Variants in THSD4 observed in about 807,000 individuals in gnomAD.
The protein encoded by THSD4 is thrombospondin type 1 domain containing 4.
In THSD4, 69 loss-of-function variants were observed where a neutral mutation model predicts 119.0. That is an observed-to-expected ratio of 0.58 (90% confidence interval 0.48 to 0.71). THSD4 has a LOEUF of 0.71. Among genes scored for constraint, THSD4 ranks in the 30% least tolerant of loss-of-function variants. The probability of loss-of-function intolerance (pLI) is 0.00; values close to 1 mark genes in which losing one functional copy is unlikely to be tolerated. For missense variants in THSD4, 1,393 were observed against 1,391.1 expected, an observed-to-expected ratio of 1.00 and a Z score of -0.02; for synonymous variants, 524 against 540.4, an observed-to-expected ratio of 0.97 and a Z score of 0.42.
Position 71,765,028 on chromosome 15 carries a change from C to G in THSD4, c.2598C>G (p.Ile866Met). 6.2e-7 allele frequency: 1 copy of G among 1,613,530 alleles called. No individual in the cohort carries two copies. Among genetic ancestry groups the G allele is most frequent in the South Asian group, 1.1e-5 (1 of 90,944 alleles). ...TCTGCTTCTTTCTGCAGTGTTCCAT[C>G]GAGTGTGGGAGCGGGACGCAACAGA... ...WFAGSWSQCS[I>M]ECGSGTQQRE... The change falls in exon 16 of 18, where the codon ATC becomes ATG. Residue 866 changes from isoleucine (I) to methionine (M), a missense_variant. By Grantham distance (10) the Ile-to-Met change is conservative. Coordinates refer to ENST00000261862, the MANE Select transcript of THSD4 (RefSeq NM_024817.3).
chr15:71,408,960 T>A lies in THSD4; in HGVS notation c.1016-2727T>A, dbSNP rs185261455. Reference sequence around the variant, plus strand: ...TAGGGTGTTCTCTAAGGCAACAGGATGCCAGGTAGTTTTGTTAAGAAGTCC... The same window carrying A: ...TAGGGTGTTCTCTAAGGCAACAGGAAGCCAGGTAGTTTTGTTAAGAAGTCC... On this transcript the variant is annotated intron_variant, in intron 6 of 17. Coordinates refer to ENST00000261862, the MANE Select transcript of THSD4 (RefSeq NM_024817.3). 1.3e-4 allele frequency among the ~76,000 whole-genome samples: 20 copies of A among 152,270 alleles called. No individual in the cohort carries two copies. In the East Asian group the frequency reaches 1.9e-3, roughly 15 times the overall value.
At chr15:71,432,949 A>G (rs1375804384) in intron 7 of THSD4, among the ~76,000 whole-genome samples, 1 of 151,856 alleles carries the variant, frequency 6.6e-6, no homozygotes. Context: ...ATACAGAATT[A>G]TTTCCTTTAT....
chr15:71,534,850 T>A (rs768648455), intron 7 of THSD4, among the ~76,000 whole-genome samples: 3 of 151,944 alleles, frequency 2.0e-5, no homozygotes, highest in Non-Finnish European at 4.4e-5. Context: ...TGGTGGTGGG[T>A]GTGTGTGTTT....
At position 71,659,369 on chromosome 15, in the gene THSD4, T is replaced by G. The variant is rs778726979; in HGVS notation, c.1153-1161T>G. 2.2e-3 allele frequency among the ~76,000 whole-genome samples: 337 copies of G among 152,302 alleles called. 2 individuals carry two copies. Among genetic ancestry groups the G allele is most frequent in the Admixed American group, 5.4e-3 (82 of 15,300 alleles). ...CCCTGTGAGGTCAGGAGTGGAAAGCTTCAGAAGTAGAAAAAGATTTTGTGA... is the reference window on the plus strand; with the variant it reads ...CCCTGTGAGGTCAGGAGTGGAAAGCGTCAGAAGTAGAAAAAGATTTTGTGA... On this transcript the variant is annotated intron_variant, in intron 7 of 17. Coordinates refer to ENST00000261862, the MANE Select transcript of THSD4 (RefSeq NM_024817.3).
rs765698101 is a variant in THSD4, at chr15:71,341,743, A to G, written c.1016-69944A>G. On this transcript the variant is annotated intron_variant, in intron 6 of 17. Transcript: ENST00000261862. ...CAGATTACCTCAGGCTGCTTAGGAA[A>G]AGAGCTCTCTCCCTTTTCTTCCTTT... 1.0e-5 allele frequency: 9 copies of G among 878,508 alleles called. No homozygotes were observed. In the South Asian group the frequency reaches 1.0e-4, roughly 10 times the overall value. 54.4% of individuals were successfully genotyped at this position (878,508 alleles called of 1,614,324 possible). A position where few individuals can be genotyped will look rare whatever the true frequency, so the allele number is the denominator to read the frequency against.
chr15:71,446,797 C>T (rs1400962354), intron 7 of THSD4, among the ~76,000 whole-genome samples: 1 of 152,174 alleles, frequency 6.6e-6, no homozygotes, highest in African/African-American at 2.4e-5. Context: ...TGCCACAGAT[C>T]TGAGCATCTC....
chr15:71,461,847 A>T lies in THSD4; in HGVS notation c.1152+50024A>T, dbSNP rs1004747553. ...GCATTGAGAAAAGTTAAACAAATAG[A>T]TCAAAACTGAACCTCTTTTTACAAA... is the stretch of plus-strand genomic sequence containing the variant. On this transcript the variant is annotated intron_variant, in intron 7 of 17. Coordinates refer to ENST00000261862, the MANE Select transcript of THSD4 (RefSeq NM_024817.3). Among the ~76,000 whole-genome samples, 6 of 151,624 alleles carry T rather than the reference A, an allele frequency of 4.0e-5. 1 individual carries two copies. In the Middle Eastern group the frequency reaches 0.01, roughly 260 times the overall value.
intron 1 of THSD4, among the ~76,000 whole-genome samples, chr15:71,123,536 T>C (rs1015520350): frequency 2.0e-5 from 3 of 152,196 alleles, no homozygotes; most frequent in African/African-American, 7.2e-5. Flanking sequence ...TTCTTACAGA[T>C]GAAGAAGGTG....
intron 7 of THSD4, among the ~76,000 whole-genome samples, chr15:71,509,431 G>A (rs2048244607): frequency 6.6e-6 from 1 of 152,206 alleles, no homozygotes; most frequent in African/African-American, 2.4e-5. Flanking sequence ...TTCTCTGCTA[G>A]TATCCATGAA....
chr15:71,303,568 T>G, intron 6 of THSD4, among the ~76,000 whole-genome samples: 1 of 152,196 alleles, frequency 6.6e-6, no homozygotes, highest in Non-Finnish European at 1.5e-5. Context: ...CTGACAGAAG[T>G]TGATATTTGG....
intron 5 of THSD4, among the ~76,000 whole-genome samples, chr15:71,252,259 G>A (rs912437300): frequency 1.3e-5 from 2 of 152,236 alleles, no homozygotes; most frequent in African/African-American, 2.4e-5. Flanking sequence ...TAAGGTGAAG[G>A]TGACTCAGTC....
chr15:71,470,633 T>A (rs546751998), intron 7 of THSD4, among the ~76,000 whole-genome samples: 50 of 114,112 alleles, frequency 4.4e-4, no homozygotes, highest in South Asian at 1.7e-3. Context: ...GATTTTATTA[T>A]TTTTTTTTTT....
At chr15:71,212,456 G>C (rs1427106614) in intron 3 of THSD4, among the ~76,000 whole-genome samples, 1 of 152,208 alleles carries the variant, frequency 6.6e-6, no homozygotes, top group Non-Finnish European at 1.5e-5. Flanking sequence ...GAGTATAGCT[G>C]TATGTCTAAT....
At chr15:71,647,218 G>A (rs1168556765) in intron 7 of THSD4, among the ~76,000 whole-genome samples, 1 of 152,196 alleles carries the variant, frequency 6.6e-6, no homozygotes, top group African/African-American at 2.4e-5. Context: ...CATATTGTTA[G>A]TGCAGTCTCT....
At position 71,263,425 on chromosome 15, in the gene THSD4, A is replaced by G. The variant is rs1229056346; in HGVS notation, c.1015+6710A>G. On this transcript the variant is annotated intron_variant, in intron 6 of 17. Coordinates refer to ENST00000261862, the MANE Select transcript of THSD4 (RefSeq NM_024817.3). Reference sequence around the variant, plus strand: ...GTCTTTACTATTGTGAATAGTGCCAATGAAAGAACATACATGCATATGTTC... The same window carrying G: ...GTCTTTACTATTGTGAATAGTGCCAGTGAAAGAACATACATGCATATGTTC... 4.0e-5 allele frequency among the ~76,000 whole-genome samples: 6 copies of G among 151,612 alleles called. No individual in the cohort carries two copies. In the Admixed American group the frequency reaches 4.0e-4, roughly 10 times the overall value.
intron 3 of THSD4, among the ~76,000 whole-genome samples, chr15:71,212,339 A>T (rs185363079): frequency 6.6e-6 from 1 of 152,316 alleles, no homozygotes; most frequent in East Asian, 1.9e-4. Flanking sequence ...ATTATTATGA[A>T]TAGAATAGGA....
At chr15:71,263,292 A>T (rs1254936363) in intron 6 of THSD4, among the ~76,000 whole-genome samples, 1 of 148,344 alleles carries the variant, frequency 6.7e-6, no homozygotes, top group Non-Finnish European at 1.5e-5. Flanking sequence ...TGCAAAGGAC[A>T]TAATCTCATT....
intron 7 of THSD4, among the ~76,000 whole-genome samples, chr15:71,614,676 A>C (rs1225581145): frequency 1.3e-5 from 2 of 152,246 alleles, no homozygotes; most frequent in African/African-American, 4.8e-5. Flanking sequence ...AAGTATAGGA[A>C]GAGAATGAGA....
chr15:71,463,420 C>T (rs1267242251), intron 7 of THSD4, among the ~76,000 whole-genome samples: 3 of 152,290 alleles, frequency 2.0e-5, no homozygotes, highest in Non-Finnish European at 2.9e-5. Context: ...AACTATCAGT[C>T]GCCCAAATTA....
Sources: gnomAD v4.1 joint callset for allele counts (sites outside exome capture counted in the v4.1 genomes callset) on GRCh38, gnomAD v4.1.1 for gene constraint, MANE v1.5 for transcripts, NCBI Gene and HGNC (gene_info 2026-07-23, HGNC 2026-07-21) for gene names.